Variants in SLC24A2 observed in about 807,000 individuals in gnomAD.
SLC24A2 encodes the protein sodium/potassium/calcium exchanger 2.
In SLC24A2, 36 loss-of-function variants were observed where a neutral mutation model predicts 62.0. That is an observed-to-expected ratio of 0.58 (90% confidence interval 0.44 to 0.77). The LOEUF (loss-of-function observed/expected upper bound fraction) is 0.77. Ranked by LOEUF, SLC24A2 falls within the 30% of genes least tolerant of loss-of-function variation. The pLI is 0.00. For synonymous variants in SLC24A2, 358 were observed against 294.0 expected, an observed-to-expected ratio of 1.22 and a Z score of -2.23; for missense variants, 846 against 817.9, an observed-to-expected ratio of 1.03 and a Z score of -0.42.
chr9:19,973,409 G>A, the SLC24A2 span, among the ~76,000 whole-genome samples: 1 of 152,180 alleles, frequency 6.6e-6, no homozygotes, highest in Non-Finnish European at 1.5e-5. Flanking sequence ...CAGTGAAGCA[G>A]TTCATTTTGT....
At chr9:19,697,507 AT>A (rs1820227392) in intron 2 of SLC24A2, among the ~76,000 whole-genome samples, 1 of 152,218 alleles carries the variant, frequency 6.6e-6, no homozygotes, top group African/African-American at 2.4e-5. Flanking sequence ...TAATTTAGGA[AT>A]TGAGAAAAGC....
chr9:20,238,454 T>A, the SLC24A2 span, among the ~76,000 whole-genome samples: 8 of 152,106 alleles, frequency 5.3e-5, no homozygotes, highest in African/African-American at 1.9e-4. Flanking sequence ...CCACCCCAGA[T>A]CGAGGAAAGA....
intron 9 of SLC24A2, 91 bp downstream of exon 9, chr9:19,527,958 G>A (rs1203500017): frequency 1.3e-6 from 1 of 796,608 alleles, no homozygotes; most frequent in Non-Finnish European, 2.2e-6. Context: ...TACTGTTGTG[G>A]CAGTTGCAGA....
the SLC24A2 span, among the ~76,000 whole-genome samples, chr9:20,172,643 A>C: frequency 6.6e-6 from 1 of 152,200 alleles, no homozygotes; most frequent in Admixed American, 6.5e-5. Context: ...TCCTAGCTTA[A>C]ATCAGGAAGA....
chr9:19,568,244 C>G (rs1835735901), intron 7 of SLC24A2, among the ~76,000 whole-genome samples: 1 of 152,182 alleles, frequency 6.6e-6, no homozygotes, highest in African/African-American at 2.4e-5. Flanking sequence ...GGAGGCCCAG[C>G]CCTAATTCAC....
the SLC24A2 span, among the ~76,000 whole-genome samples, chr9:20,242,412 C>G: frequency 6.6e-6 from 1 of 152,206 alleles, no homozygotes; most frequent in Non-Finnish European, 1.5e-5. Context: ...TCCTATCAAT[C>G]AACTGCAAAC....
At chr9:19,947,512 C>T in the SLC24A2 span, among the ~76,000 whole-genome samples, 35 of 151,874 alleles carry the variant, frequency 2.3e-4, no homozygotes, top group African/African-American at 7.7e-4. Context: ...TTAGTTCGGC[C>T]GGGTGTGGTG....
chr9:20,268,594 G>T, the SLC24A2 span, among the ~76,000 whole-genome samples: 1 of 152,146 alleles, frequency 6.6e-6, no homozygotes, highest in Admixed American at 6.5e-5. Context: ...CCACCAGCAA[G>T]AAGGCCCTCA....
At position 19,528,060 on chromosome 9, in the gene SLC24A2, A is replaced by G; in HGVS notation, c.1558T>C (p.Trp520Arg). ...IAVFSYLMVWWAHQVGETIGI... is the reference protein window; with the variant it reads ...IAVFSYLMVWRAHQVGETIGI... The stretch of plus-strand genomic sequence containing the variant: ...TATCAAAATCTTACCTGGTGCGCCC[A>G]CCAGACCATCAAGTAAGAGAATACT... The change falls in exon 9 of 11, where the codon TGG (tryptophan) becomes CGG (arginine). Residue 520 changes from tryptophan (W) to arginine (R), a missense_variant. By Grantham distance (101) the Trp-to-Arg change is moderately radical (BLOSUM62 -3). Coordinates refer to ENST00000341998, the MANE Select transcript of SLC24A2 (RefSeq NM_020344.4). The G allele has an allele frequency of 6.3e-7, 1 of 1,590,546 alleles. No individual in the cohort carries two copies. The highest frequency in any genetic ancestry group is 8.6e-7 in the Non-Finnish European group (1 of 1,166,518).
chr9:19,702,184 AT>A, intron 2 of SLC24A2, among the ~76,000 whole-genome samples: 1 of 152,360 alleles, frequency 6.6e-6, no homozygotes, highest in Non-Finnish European at 1.5e-5. Flanking sequence ...AATCATGATG[AT>A]TTGAAGGACA....
the SLC24A2 span, among the ~76,000 whole-genome samples, chr9:20,264,069 T>C: frequency 6.6e-5 from 10 of 152,248 alleles, no homozygotes; most frequent in South Asian, 4.1e-4. Flanking sequence ...CTGACTTCTA[T>C]TGTAGTCAGC....
rs1166983474 is a variant in SLC24A2 at position 19,661,496 on chromosome 9, T to C, written c.931-39197A>G. On this transcript the variant is annotated intron_variant, in intron 2 of 10. Coordinates refer to ENST00000341998, the MANE Select transcript of SLC24A2 (RefSeq NM_020344.4). Reference sequence around the variant, plus strand: ...TCATCACGTCCAGGGATATCCTTCTTCTAAGTATTTTAAAAGCAAGAATGA... The same window carrying C: ...TCATCACGTCCAGGGATATCCTTCTCCTAAGTATTTTAAAAGCAAGAATGA... 2.7e-5 allele frequency among the ~76,000 whole-genome samples: 4 copies of C among 146,994 alleles called. No homozygotes were observed. In the East Asian group the frequency reaches 7.7e-4, roughly 28 times the overall value.
At chr9:20,003,876 T>A in the SLC24A2 span, among the ~76,000 whole-genome samples, 2 of 150,476 alleles carry the variant, frequency 1.3e-5, no homozygotes, top group Non-Finnish European at 2.9e-5. Context: ...ACTGCCTGAA[T>A]GTGGGATGTT....
the SLC24A2 span, among the ~76,000 whole-genome samples, chr9:20,063,672 T>A: frequency 6.6e-6 from 1 of 152,038 alleles, no homozygotes; most frequent in Admixed American, 6.6e-5. Flanking sequence ...AAGACTTGTA[T>A]CTAGAATATA....
chr9:20,006,236 T>C, the SLC24A2 span, among the ~76,000 whole-genome samples: 1 of 151,968 alleles, frequency 6.6e-6, no homozygotes, highest in Non-Finnish European at 1.5e-5. Context: ...TTATCTACTT[T>C]CTATATTTCC....
At chr9:20,068,733 C>A in the SLC24A2 span, among the ~76,000 whole-genome samples, 1 of 152,144 alleles carries the variant, frequency 6.6e-6, no homozygotes, top group South Asian at 2.1e-4. Flanking sequence ...TTTGTTTCAA[C>A]TGTCTGCCCA....
chr9:20,006,471 T>A, the SLC24A2 span, among the ~76,000 whole-genome samples: 3 of 152,046 alleles, frequency 2.0e-5, no homozygotes, highest in African/African-American at 7.2e-5. Flanking sequence ...AAGAGTATAA[T>A]TGGATGTTTG....
At chr9:19,710,661 G>GGTCATGAATGGGCCTT (rs1170804884) in intron 2 of SLC24A2, among the ~76,000 whole-genome samples, 2 of 152,160 alleles carry the variant, frequency 1.3e-5, no homozygotes, top group Non-Finnish European at 2.9e-5. Context: ...TGTAGAGCCT[G>GGTCATGAATGGGCCTT]GTCATGAATG....
At chr9:19,894,717 A>T in the SLC24A2 span, among the ~76,000 whole-genome samples, 16 of 152,186 alleles carry the variant, frequency 1.1e-4, no homozygotes, top group Non-Finnish European at 4.4e-5. Flanking sequence ...AAAAAGAAAA[A>T]ATGGGACAAG....
Sources: allele counts gnomAD v4.1 joint callset (sites outside exome capture counted in the v4.1 genomes callset), GRCh38; gene constraint gnomAD v4.1.1; transcripts MANE v1.5; gene names NCBI Gene and HGNC (gene_info 2026-07-23, HGNC 2026-07-21).